The following CYB5R3 variants were observed in gnomAD, a reference collection of about 807,000 sequenced individuals.
The protein encoded by CYB5R3 is NADH-cytochrome b5 reductase 3.
A neutral mutation model predicts 36.5 loss-of-function variants in CYB5R3; 28 were observed. That is an observed-to-expected ratio of 0.77 (90% CI 0.57 to 1.05). The LOEUF (loss-of-function observed/expected upper bound fraction) is 1.05, where lower values mean the gene tolerates loss of function less well. Among genes scored for constraint, CYB5R3 ranks in the 50% least tolerant of loss-of-function variants. The pLI is 0.00. For missense variants in CYB5R3, 474 were observed against 408.9 expected (o/e 1.16, Z -1.37); for synonymous variants, 181 against 159.8 (o/e 1.13, Z -1.00).
Position 42,649,278 on chromosome 22 carries a change from G to A in CYB5R3, c.21+17C>T. ...CCTCGCGACGCCCCGCGGCCCCGGC[G>A]CCCCCTCCCCGCCTACCGTGCTGAG... On this transcript the variant is annotated intron_variant, in intron 1 of 8. Coordinates refer to ENST00000352397, the MANE Select transcript of CYB5R3 (RefSeq NM_000398.7). 1.0e-6 allele frequency: 1 copy of A among 990,608 alleles called. No individual in the cohort carries two copies. The highest frequency in any genetic ancestry group is 1.2e-6 in the Non-Finnish European group (1 of 824,148). 61.4% of individuals were successfully genotyped at this position (990,608 alleles called of 1,614,324 possible). A position where few individuals can be genotyped will look rare whatever the true frequency, so the allele number is the denominator to read the frequency against.
intron 8 of CYB5R3, 57 bp from the exon 9 acceptor site, chr22:42,620,002 GA>G: frequency 1.3e-6 from 2 of 1,498,912 alleles, no homozygotes; most frequent in Admixed American, 1.9e-5. Context: ...CCAACCTGCT[GA>G]CCGACCAACC....
chr22:42,648,039 C>T (rs1003701017), intron 1 of CYB5R3, among the ~76,000 whole-genome samples: 10 of 152,262 alleles, frequency 6.6e-5, no homozygotes, highest in Middle Eastern at 3.4e-3. Context: ...ATAAAGGAGG[C>T]AGATGCTTTC....
chr22:42,645,952 ACACCGG>A (rs1281977516), intron 1 of CYB5R3, among the ~76,000 whole-genome samples: 9 of 152,072 alleles, frequency 5.9e-5, no homozygotes, highest in Non-Finnish European at 1.2e-4. Flanking sequence ...GGGGAGACAG[ACACCGG>A]CAGAGAGGGC....
At chr22:42,631,515 G>A in intron 2 of CYB5R3, 65 bp from the exon 3 acceptor site, 2 of 1,389,288 alleles carry the variant, frequency 1.4e-6, no homozygotes, top group Non-Finnish European at 2.0e-6. Flanking sequence ...CGGCTCCCAG[G>A]CCTCGGAGCC....
chr22:42,642,345 C>A (rs1223906314), intron 1 of CYB5R3, among the ~76,000 whole-genome samples: 1 of 152,158 alleles, frequency 6.6e-6, no homozygotes, highest in Non-Finnish European at 1.5e-5. Flanking sequence ...AACTTCTGAG[C>A]TCAAGCCAAC....
chr22:42,645,617 A>G (rs918565510), intron 1 of CYB5R3, among the ~76,000 whole-genome samples: 27 of 152,234 alleles, frequency 1.8e-4, no homozygotes, highest in African/African-American at 6.3e-4. Context: ...TGCTCCCAAC[A>G]ACAGGGGCTG....
intron 3 of CYB5R3, 66 bp downstream of exon 3, chr22:42,631,312 T>C (rs1041737315): frequency 2.1e-6 from 3 of 1,447,064 alleles, no homozygotes; most frequent in South Asian, 1.2e-5. Flanking sequence ...AAAGCTTCCA[T>C]CTCTCTGATC....
chr22:42,630,207 C>A (rs1038443764), intron 4 of CYB5R3, among the ~76,000 whole-genome samples: 4 of 152,144 alleles, frequency 2.6e-5, no homozygotes, highest in Admixed American at 6.5e-5. Flanking sequence ...GCCCCTAACG[C>A]CTGCATCTTC....
chr22:42,623,580 T>C (rs1794411841), intron 8 of CYB5R3, among the ~76,000 whole-genome samples: 3 of 152,156 alleles, frequency 2.0e-5, no homozygotes, highest in African/African-American at 7.2e-5. Flanking sequence ...AGGACCTGGG[T>C]TTCAGGCCGG....
At chr22:42,648,552 C>T (rs1929629820) in intron 1 of CYB5R3, among the ~76,000 whole-genome samples, 1 of 152,034 alleles carries the variant, frequency 6.6e-6, no homozygotes. Flanking sequence ...CTCCTTCCGG[C>T]GGCAGCGTTG....
At position 42,634,789 on chromosome 22, in the gene CYB5R3, C is replaced by T. The variant is rs573779033; in HGVS notation, c.153+1926G>A. On this transcript the variant is annotated intron_variant, in intron 2 of 8. Coordinates refer to ENST00000352397, the MANE Select transcript of CYB5R3 (RefSeq NM_000398.7). ...TACAGGCATCTGCCACCACGCCCGG[C>T]TAATTTTCATATTGATTGATTGATT... 5.7e-5 allele frequency among the ~76,000 whole-genome samples: 6 copies of T among 105,908 alleles called. No homozygotes were observed. The East Asian group carries it at 3.0e-3, about 53-fold the overall frequency. 69.5% of individuals were successfully genotyped at this position (105,908 alleles called of 152,430 possible). A position where few individuals can be genotyped will look rare whatever the true frequency, so the allele number is the denominator to read the frequency against.
chr22:42,645,676 C>T (rs1569328720), intron 1 of CYB5R3, among the ~76,000 whole-genome samples: 2 of 152,184 alleles, frequency 1.3e-5, no homozygotes, highest in African/African-American at 4.8e-5. Context: ...ATTCAGTCCT[C>T]AAGCCTGTTC....
intron 8 of CYB5R3, 38 bp from the exon 9 acceptor site, chr22:42,619,983 G>A (rs770900118): frequency 1.9e-6 from 3 of 1,561,668 alleles, no homozygotes; most frequent in Admixed American, 3.7e-5. Context: ...ACGTGTGGCT[G>A]TGTGGTCACC....
rs67349863 is a variant in CYB5R3 at position 42,638,728 on chromosome 22, T to TAAAAAAAAAAAAAAAAAAAAAAAAAAA, written c.22-1883_22-1882insTTTTTTTTTTTTTTTTTTTTTTTTTTT. ...GCCTGGGAGACAGAGCAAGACTCCA[T>TAAAAAAAAAAAAAAAAAAAAAAAAAAA]AAAAAAAAAAAAAAAAAAAAAAGGC... On this transcript the variant is annotated intron_variant, in intron 1 of 8. Coordinates refer to ENST00000352397, the MANE Select transcript of CYB5R3 (RefSeq NM_000398.7). Among the ~76,000 whole-genome samples the TAAAAAAAAAAAAAAAAAAAAAAAAAAA allele has an allele frequency of 1.5e-4, 7 of 47,514 alleles. 1 individual carries two copies. Among genetic ancestry groups the TAAAAAAAAAAAAAAAAAAAAAAAAAAA allele is most frequent in the Admixed American group, 5.4e-4 (2 of 3,712 alleles). The allele number at this position is 47,514 out of a possible 152,430, so 31.2% of individuals were successfully genotyped here.
chr22:42,634,252 T>C (rs553734951), intron 2 of CYB5R3, among the ~76,000 whole-genome samples: 3 of 149,760 alleles, frequency 2.0e-5, no homozygotes, highest in African/African-American at 4.9e-5. Context: ...TCCTAGCTAC[T>C]TGGGAAGCTG....
intron 1 of CYB5R3, among the ~76,000 whole-genome samples, chr22:42,642,443 T>C (rs1929328316): frequency 6.6e-6 from 1 of 151,972 alleles, no homozygotes; most frequent in South Asian, 2.1e-4. Context: ...AACTTTGAAA[T>C]TATTATTTTT....
intron 8 of CYB5R3, among the ~76,000 whole-genome samples, chr22:42,620,956 TCACTCC>T (rs1927931934): frequency 6.6e-6 from 1 of 152,224 alleles, no homozygotes. Context: ...TGTTTTTCTT[TCACTCC>T]CACTTTCCAT....
At chr22:42,628,303 C>T (rs753885863) in intron 4 of CYB5R3, 22 bp from the exon 5 acceptor site, 7 of 1,612,782 alleles carry the variant, frequency 4.3e-6, no homozygotes, top group African/African-American at 1.3e-5. Flanking sequence ...CCCCGCAGCC[C>T]TCAGTCCCCA....
chr22:42,620,354 C>A (rs1817520417), intron 8 of CYB5R3, among the ~76,000 whole-genome samples: 1 of 152,050 alleles, frequency 6.6e-6, no homozygotes, highest in Non-Finnish European at 1.5e-5. Flanking sequence ...CTGAGATGTA[C>A]CTTCCAGGAT....
Sources: allele counts gnomAD v4.1 joint callset (sites outside exome capture counted in the v4.1 genomes callset), GRCh38; gene constraint gnomAD v4.1.1; transcripts MANE v1.5; gene names NCBI Gene and HGNC (gene_info 2026-07-23, HGNC 2026-07-21).